Variants in MCC observed in about 807,000 individuals in gnomAD.
MCC encodes the protein MCC regulator of Wnt signaling pathway.
In MCC, 90 loss-of-function variants were observed where a neutral mutation model predicts 116.2. The ratio of observed to expected loss-of-function variants is 0.77; its 90% CI spans 0.65 to 0.92. The LOEUF (loss-of-function observed/expected upper bound fraction) is 0.92. Ranked by LOEUF, MCC falls within the 40% of genes least tolerant of loss-of-function variation. The probability of loss-of-function intolerance (pLI) is 0.00; values close to 1 mark genes in which losing one functional copy is unlikely to be tolerated. For synonymous variants in MCC, 578 were observed against 510.5 expected, an observed-to-expected ratio of 1.13 and a Z score of -1.78; for missense variants, 1,516 against 1,312.2, an observed-to-expected ratio of 1.16 and a Z score of -2.40.
chr5:113,452,984 C>G (rs1276991629), intron 1 of MCC, among the ~76,000 whole-genome samples: 1 of 152,150 alleles, frequency 6.6e-6, no homozygotes, highest in East Asian at 1.9e-4. Flanking sequence ...TCAATAAGAA[C>G]TTTAAGAGCA....
At chr5:113,382,552 C>A (rs964946413) in intron 2 of MCC, among the ~76,000 whole-genome samples, 3 of 151,994 alleles carry the variant, frequency 2.0e-5, no homozygotes, top group African/African-American at 4.8e-5. Context: ...TGGTGCCCAG[C>A]CTAATTAGTG....
intron 14 of MCC, among the ~76,000 whole-genome samples, chr5:113,061,079 AGAGCTAG>A (rs1753185217): frequency 6.6e-6 from 1 of 152,236 alleles, no homozygotes; most frequent in Non-Finnish European, 1.5e-5. Context: ...TCAAAGAGTG[AGAGCTAG>A]GCATCTCTTG....
At chr5:113,254,888 A>G (rs763742862) in intron 3 of MCC, among the ~76,000 whole-genome samples, 9 of 152,114 alleles carry the variant, frequency 5.9e-5, no homozygotes, top group Non-Finnish European at 8.8e-5. Flanking sequence ...TGTACCTTAA[A>G]AACATAAGAG....
chr5:113,245,282 C>T, intron 3 of MCC, among the ~76,000 whole-genome samples: 1 of 143,968 alleles, frequency 6.9e-6, no homozygotes, highest in Non-Finnish European at 1.5e-5. Flanking sequence ...ACGAGAGAAA[C>T]TCCATCTCAA....
chr5:113,341,614 G>A (rs1468354748), intron 2 of MCC, among the ~76,000 whole-genome samples: 1 of 152,186 alleles, frequency 6.6e-6, no homozygotes, highest in Non-Finnish European at 1.5e-5. Flanking sequence ...CATCACTGCT[G>A]GACCTTGCTT....
chr5:113,450,596 AG>A (rs1209736589), intron 1 of MCC, among the ~76,000 whole-genome samples: 1 of 152,250 alleles, frequency 6.6e-6, no homozygotes, highest in Non-Finnish European at 1.5e-5. Flanking sequence ...ATGTTCTCAC[AG>A]CATATGCTAC....
intron 1 of MCC, among the ~76,000 whole-genome samples, chr5:113,412,602 GA>G (rs1770022101): frequency 6.6e-6 from 1 of 152,150 alleles, no homozygotes; most frequent in Non-Finnish European, 1.5e-5. Context: ...GAATGCTTGT[GA>G]TTTTTGCACA....
At chr5:113,150,840 T>C (rs1433411023) in intron 4 of MCC, among the ~76,000 whole-genome samples, 1 of 152,102 alleles carries the variant, frequency 6.6e-6, no homozygotes, top group East Asian at 1.9e-4. Context: ...GGCAAGAGGA[T>C]CACTTGAGCT....
Position 113,219,599 on chromosome 5 carries a change from T to C in MCC, c.628-68177A>G, listed in dbSNP as rs113393605. 9.3e-4 allele frequency among the ~76,000 whole-genome samples: 142 copies of C among 152,320 alleles called. 2 individuals are homozygous for C. The highest frequency in any genetic ancestry group is 3.1e-3 in the African/African-American group (130 of 41,576). On this transcript the variant is annotated intron_variant, in intron 3 of 18. Transcript: ENST00000408903. ...AATCATTGCTTTAAAATTTCAATAA[T>C]AGGTCCCAGTTGGAGGACCGTATAA...
chr5:113,056,676 A>C (rs780515791), intron 14 of MCC, among the ~76,000 whole-genome samples: 1 of 152,220 alleles, frequency 6.6e-6, no homozygotes, highest in East Asian at 1.9e-4. Flanking sequence ...CCTCCATGAC[A>C]TGAGTTTACC....
chr5:113,367,816 G>A (rs1268788902), intron 2 of MCC, among the ~76,000 whole-genome samples: 4 of 152,124 alleles, frequency 2.6e-5, no homozygotes, highest in African/African-American at 9.7e-5. Context: ...GAGTTATCTT[G>A]AGTAATGGGC....
intron 8 of MCC, among the ~76,000 whole-genome samples, chr5:113,091,883 GAC>G (rs149076453): frequency 2.5e-4 from 38 of 149,874 alleles, no homozygotes; most frequent in Admixed American, 6.0e-4. Flanking sequence ...ATGAGACTCA[GAC>G]ACACACACAC....
intron 3 of MCC, among the ~76,000 whole-genome samples, chr5:113,311,435 A>G (rs1459305182): frequency 6.6e-6 from 1 of 152,208 alleles, no homozygotes; most frequent in Non-Finnish European, 1.5e-5. Context: ...AGACAGGTTC[A>G]GCAGTTGCTC....
intron 1 of MCC, among the ~76,000 whole-genome samples, chr5:113,449,826 C>A (rs972856104): frequency 6.6e-6 from 1 of 152,110 alleles, no homozygotes; most frequent in African/African-American, 2.4e-5. Context: ...TTCTTCAAAT[C>A]ACAACAAATA....
At chr5:113,051,872 C>T (rs561075435) in intron 15 of MCC, among the ~76,000 whole-genome samples, 4 of 152,192 alleles carry the variant, frequency 2.6e-5, no homozygotes, top group South Asian at 2.1e-4. Flanking sequence ...GAAAATCCAA[C>T]GTAACCTGCT....
intron 4 of MCC, among the ~76,000 whole-genome samples, chr5:113,144,062 A>T (rs1759346731): frequency 6.6e-6 from 1 of 152,202 alleles, no homozygotes; most frequent in Admixed American, 6.5e-5. Flanking sequence ...GGCCTGGTTT[A>T]CTGTGGGTGA....
At chr5:113,068,455 A>C (rs1194061432) in intron 12 of MCC, among the ~76,000 whole-genome samples, 1 of 152,162 alleles carries the variant, frequency 6.6e-6, no homozygotes, top group Non-Finnish European at 1.5e-5. Context: ...TTCAGTGACC[A>C]CCTGAAAGGA....
chr5:113,197,799 G>C (rs1258087627), intron 3 of MCC, among the ~76,000 whole-genome samples: 1 of 152,236 alleles, frequency 6.6e-6, no homozygotes, highest in Non-Finnish European at 1.5e-5. Flanking sequence ...AGGTCACAGG[G>C]GAACTGTGAA....
intron 3 of MCC, among the ~76,000 whole-genome samples, chr5:113,320,187 CT>C (rs1488061089): frequency 6.6e-6 from 1 of 152,088 alleles, no homozygotes; most frequent in East Asian, 1.9e-4. Context: ...AGTATCCTGG[CT>C]TTTTTTATAG....
Sources: gnomAD v4.1 joint callset for allele counts (sites outside exome capture counted in the v4.1 genomes callset) on GRCh38, gnomAD v4.1.1 for gene constraint, MANE v1.5 for transcripts, NCBI Gene and HGNC (gene_info 2026-07-23, HGNC 2026-07-21) for gene names.